DNAJC15: variants seen among roughly 807,000 people sequenced by gnomAD.
DNAJC15 encodes the protein DnaJ heat shock protein family (Hsp40) member C15.
A neutral mutation model predicts 22.4 loss-of-function variants in DNAJC15; 27 were observed. The observed-to-expected ratio is 1.20, with a 90% CI of 0.89 to 1.66. The LOEUF is 1.66. Ranked by LOEUF, DNAJC15 falls within the 40% of genes most tolerant of loss-of-function variation. The pLI is 0.00. For missense variants in DNAJC15, 208 were observed against 187.1 expected, an observed-to-expected ratio of 1.11 and a Z score of -0.65; for synonymous variants, 79 against 63.2, an observed-to-expected ratio of 1.25 and a Z score of -1.19.
At chr13:43,033,582 G>A (rs557714190) in intron 1 of DNAJC15, among the ~76,000 whole-genome samples, 5 of 152,304 alleles carry the variant, frequency 3.3e-5, no homozygotes, top group South Asian at 2.1e-4. Flanking sequence ...GGCTGTGACA[G>A]TTTTTCAGAC....
chr13:43,091,544 G>A (rs1427550547), intron 5 of DNAJC15, among the ~76,000 whole-genome samples: 2 of 151,964 alleles, frequency 1.3e-5, no homozygotes, highest in East Asian at 1.9e-4. Context: ...TATTACCTTG[G>A]TAATGTTTGT....
chr13:43,097,585 C>T (rs2040745740), intron 5 of DNAJC15, among the ~76,000 whole-genome samples: 1 of 151,950 alleles, frequency 6.6e-6, no homozygotes, highest in Non-Finnish European at 1.5e-5. Context: ...CTGTAGTAAT[C>T]CAAGAGAATG....
At chr13:43,102,140 G>A (rs995689164) in intron 5 of DNAJC15, among the ~76,000 whole-genome samples, 1 of 152,016 alleles carries the variant, frequency 6.6e-6, no homozygotes, top group Admixed American at 6.6e-5. Flanking sequence ...GAGTAAGATG[G>A]TATGGCATTC....
At chr13:43,050,333 G>T (rs925012159) in intron 1 of DNAJC15, among the ~76,000 whole-genome samples, 1 of 151,690 alleles carries the variant, frequency 6.6e-6, no homozygotes, top group Non-Finnish European at 1.5e-5. Context: ...TTGAGACAGG[G>T]TCTCACTCTG....
chr13:43,048,847 A>C (rs2040489845), intron 1 of DNAJC15, among the ~76,000 whole-genome samples: 1 of 152,228 alleles, frequency 6.6e-6, no homozygotes, highest in Admixed American at 6.5e-5. Context: ...ATATCCAATA[A>C]TTAGATTTTC....
intron 1 of DNAJC15, among the ~76,000 whole-genome samples, chr13:43,040,312 A>AT (rs1382548439): frequency 1.3e-5 from 2 of 151,932 alleles, no homozygotes; most frequent in Admixed American, 6.5e-5. Context: ...GTTTTAAAAT[A>AT]TTTTTTCTGG....
Position 43,107,302 on chromosome 13 carries a change from A to G in DNAJC15, c.*54A>G. The G allele has an allele frequency of 6.9e-7, 1 of 1,445,814 alleles. No individual in the cohort carries two copies. The highest frequency in any genetic ancestry group is 9.2e-7 in the Non-Finnish European group (1 of 1,087,058). 89.6% of individuals were successfully genotyped at this position (1,445,814 alleles called of 1,614,324 possible). A position where few individuals can be genotyped will look rare whatever the true frequency, so the allele number is the denominator to read the frequency against. ...AAAGAGGGGACTTCGAAAAAAAAAAAAGCCCTGCAAAATATTCTAAAACAT... is the reference window on the plus strand; with the variant it reads ...AAAGAGGGGACTTCGAAAAAAAAAAGAGCCCTGCAAAATATTCTAAAACAT... On this transcript the variant is annotated 3_prime_UTR_variant, in exon 6 of 6. Coordinates refer to ENST00000379221, the MANE Select transcript of DNAJC15 (RefSeq NM_013238.3).
At chr13:43,033,275 C>G (rs1408105234) in intron 1 of DNAJC15, among the ~76,000 whole-genome samples, 1 of 152,172 alleles carries the variant, frequency 6.6e-6, no homozygotes, top group Admixed American at 6.5e-5. Context: ...AAATTAGTCA[C>G]TTGTGGTGGC....
At chr13:43,094,479 C>G (rs544760985) in intron 5 of DNAJC15, among the ~76,000 whole-genome samples, 1 of 152,208 alleles carries the variant, frequency 6.6e-6, no homozygotes, top group African/African-American at 2.4e-5. Context: ...AATCACCGCT[C>G]TAAGGGTTCC....
intron 1 of DNAJC15, among the ~76,000 whole-genome samples, chr13:43,027,218 A>G (rs2040384464): frequency 6.6e-6 from 1 of 152,224 alleles, no homozygotes; most frequent in African/African-American, 2.4e-5. Flanking sequence ...TTTCCTGAAA[A>G]CTGTAACTCT....
intron 5 of DNAJC15, 141 bp from the exon 6 acceptor site, chr13:43,107,037 T>C: frequency 3.1e-6 from 2 of 648,622 alleles, no homozygotes; most frequent in Non-Finnish European, 4.7e-6. Flanking sequence ...ACTGTTTTGA[T>C]TTCTAGTTAG....
intron 4 of DNAJC15, among the ~76,000 whole-genome samples, chr13:43,082,857 T>TATATATACATAC (rs144193543): frequency 6.7e-6 from 1 of 149,484 alleles, no homozygotes; most frequent in Non-Finnish European, 1.5e-5. Context: ...TATATATATA[T>TATATATACATAC]ATACACACAT....
intron 5 of DNAJC15, among the ~76,000 whole-genome samples, chr13:43,101,521 C>G (rs2040769050): frequency 6.6e-6 from 1 of 152,216 alleles, no homozygotes; most frequent in African/African-American, 2.4e-5. Flanking sequence ...ATCACCCAAG[C>G]AGTGTACACT....
chr13:43,063,198 CG>C (rs1203367492), intron 1 of DNAJC15, among the ~76,000 whole-genome samples: 8 of 152,128 alleles, frequency 5.3e-5, no homozygotes, highest in Non-Finnish European at 1.2e-4. Context: ...TTAATAGAGA[CG>C]GGGTTTCACC....
At chr13:43,041,681 C>T (rs1053244242) in intron 1 of DNAJC15, among the ~76,000 whole-genome samples, 6 of 152,214 alleles carry the variant, frequency 3.9e-5, no homozygotes, top group African/African-American at 1.4e-4. Context: ...TGACCCTATG[C>T]TTCAGTTTTA....
intron 1 of DNAJC15, among the ~76,000 whole-genome samples, chr13:43,033,384 TACAGCCTG>T (rs1288288526): frequency 6.6e-6 from 1 of 152,084 alleles, no homozygotes; most frequent in African/African-American, 2.4e-5. Context: ...ACCACTGCAC[TACAGCCTG>T]GGTGACAGAG....
chr13:43,092,423 G>A (rs2040719399), intron 5 of DNAJC15, among the ~76,000 whole-genome samples: 1 of 151,528 alleles, frequency 6.6e-6, no homozygotes, highest in Non-Finnish European at 1.5e-5. Context: ...GACAATTTTA[G>A]ACTTTTAATG....
intron 1 of DNAJC15, among the ~76,000 whole-genome samples, chr13:43,050,215 C>G (rs1020678649): frequency 6.6e-6 from 1 of 152,136 alleles, no homozygotes; most frequent in Non-Finnish European, 1.5e-5. Context: ...CCACTCTGCC[C>G]GGCCAGTTTT....
chr13:43,027,911 C>G (rs2040387569), intron 1 of DNAJC15, among the ~76,000 whole-genome samples: 1 of 152,206 alleles, frequency 6.6e-6, no homozygotes. Context: ...CCCTCCTCAA[C>G]CTCCCGAAGT....
Sources: allele counts gnomAD v4.1 joint callset (sites outside exome capture counted in the v4.1 genomes callset), GRCh38; gene constraint gnomAD v4.1.1; transcripts MANE v1.5; gene names NCBI Gene and HGNC (gene_info 2026-07-23, HGNC 2026-07-21).